Variants in CNTNAP5 observed in about 807,000 individuals in gnomAD.
The protein encoded by CNTNAP5 is contactin associated protein family member 5.
A neutral mutation model predicts 150.2 loss-of-function variants in CNTNAP5; 72 were observed. The observed-to-expected ratio is 0.48, with a 90% CI of 0.40 to 0.58. The LOEUF is 0.58. CNTNAP5 is among the 20% of genes least tolerant of loss of function. The probability of loss-of-function intolerance (pLI) is 0.00; values close to 1 mark genes in which losing one functional copy is unlikely to be tolerated. For synonymous variants in CNTNAP5, 672 were observed against 619.8 expected (o/e 1.08, Z -1.25); for missense variants, 1,636 against 1,626.2 (o/e 1.01, Z -0.10).
chr2:124,776,515 G>A (rs553615974), intron 17 of CNTNAP5, among the ~76,000 whole-genome samples: 2 of 152,308 alleles, frequency 1.3e-5, no homozygotes, highest in South Asian at 2.1e-4. Flanking sequence ...CAGGCTTGGC[G>A]TGCACATGTT....
intron 14 of CNTNAP5, among the ~76,000 whole-genome samples, chr2:124,762,431 A>C (rs1328190218): frequency 2.0e-5 from 3 of 152,152 alleles, no homozygotes; most frequent in Non-Finnish European, 2.9e-5. Flanking sequence ...AGGTGGATGC[A>C]TAAAAAGATA....
intron 1 of CNTNAP5, among the ~76,000 whole-genome samples, chr2:124,196,314 C>T (rs1299666487): frequency 6.6e-6 from 1 of 152,146 alleles, no homozygotes; most frequent in Non-Finnish European, 1.5e-5. Flanking sequence ...CTTCACTTCA[C>T]AGCTACATGA....
At chr2:124,281,940 T>G (rs1688024418) in intron 3 of CNTNAP5, among the ~76,000 whole-genome samples, 1 of 152,074 alleles carries the variant, frequency 6.6e-6, no homozygotes, top group African/African-American at 2.4e-5. Flanking sequence ...CCGGCGGCAT[T>G]TGTCTGCAGG....
intron 3 of CNTNAP5, among the ~76,000 whole-genome samples, chr2:124,348,387 C>T (rs1689792708): frequency 6.6e-6 from 1 of 152,080 alleles, no homozygotes; most frequent in East Asian, 1.9e-4. Flanking sequence ...CGAGGGCATC[C>T]TCGTTTTGTT....
At chr2:124,361,867 C>CCTA (rs1336188851) in intron 3 of CNTNAP5, among the ~76,000 whole-genome samples, 6 of 152,142 alleles carry the variant, frequency 3.9e-5, no homozygotes, top group African/African-American at 7.2e-5. Context: ...GCTTTGTTTA[C>CCTA]CTAAGCAAGC....
chr2:124,086,906 T>A (rs983094134), intron 1 of CNTNAP5, among the ~76,000 whole-genome samples: 7 of 151,812 alleles, frequency 4.6e-5, no homozygotes, highest in Non-Finnish European at 1.0e-4. Flanking sequence ...TATTGTGGAT[T>A]ACTTGAACAT....
At chr2:124,874,132 C>T (rs1558809227) in intron 21 of CNTNAP5, among the ~76,000 whole-genome samples, 2 of 152,052 alleles carry the variant, frequency 1.3e-5, no homozygotes, top group Admixed American at 1.3e-4. Flanking sequence ...ACTGTTGGTT[C>T]TCTAAGAATG....
intron 1 of CNTNAP5, among the ~76,000 whole-genome samples, chr2:124,166,919 A>G (rs1436023658): frequency 1.3e-5 from 2 of 152,260 alleles, no homozygotes; most frequent in South Asian, 2.1e-4. Flanking sequence ...CCACAGGATT[A>G]TATCTAAGGC....
At chr2:124,569,611 G>A (rs1490546111) in intron 11 of CNTNAP5, among the ~76,000 whole-genome samples, 1 of 152,174 alleles carries the variant, frequency 6.6e-6, no homozygotes, top group Non-Finnish European at 1.5e-5. Flanking sequence ...TATGTCTGAT[G>A]ACACTCACAT....
intron 11 of CNTNAP5, among the ~76,000 whole-genome samples, chr2:124,606,071 G>T (rs897130010): frequency 6.6e-6 from 1 of 151,844 alleles, no homozygotes; most frequent in African/African-American, 2.4e-5. Context: ...AGTTAAATTA[G>T]CAATTTATAT....
intron 13 of CNTNAP5, among the ~76,000 whole-genome samples, chr2:124,692,452 G>A (rs1477531607): frequency 1.3e-5 from 2 of 152,102 alleles, no homozygotes; most frequent in African/African-American, 2.4e-5. Flanking sequence ...AAAATGTATG[G>A]ACTCTGTTTT....
rs1013310366 is a variant in CNTNAP5 at position 124,362,245 on chromosome 2, T to C, written c.382-55198T>C. Among the ~76,000 whole-genome samples, 4 of 152,214 alleles carry C rather than the reference T, an allele frequency of 2.6e-5. 1 individual carries two copies. The highest frequency in any genetic ancestry group is 1.3e-4 in the Admixed American group (2 of 15,284). Reference sequence around the variant, plus strand: ...AGTGAGATGAACCCGGTACGTCACATGGAAATGCAGAAATCACCCGTCTTC... The same window carrying C: ...AGTGAGATGAACCCGGTACGTCACACGGAAATGCAGAAATCACCCGTCTTC... On this transcript the variant is annotated intron_variant, in intron 3 of 23. Coordinates refer to ENST00000682447, the MANE Select transcript of CNTNAP5 (RefSeq NM_001367498.1).
intron 3 of CNTNAP5, among the ~76,000 whole-genome samples, chr2:124,361,291 A>G (rs1413468588): frequency 6.9e-6 from 1 of 144,412 alleles, no homozygotes; most frequent in Non-Finnish European, 1.5e-5. Context: ...GATCATCTGA[A>G]GCCTCCTTCT....
rs574600633 is a variant in CNTNAP5, at chr2:124,780,663, C to CT, written c.2752+7653dup. ...CCCCTGATCTGTTCAATAAGACAGC[C>CT]TTTTTTTGGGTTGTTTGTCCAAATC... On this transcript the variant is annotated intron_variant, in intron 17 of 23. Transcript: ENST00000682447. Among the ~76,000 whole-genome samples the CT allele has an allele frequency of 1.8e-4, 27 of 152,284 alleles. No homozygotes were observed. The East Asian group carries it at 4.1e-3, about 23-fold the overall frequency.
rs727181 is a variant in CNTNAP5, at chr2:124,650,934, G to A, written c.2077+2976G>A. On this transcript the variant is annotated intron_variant, in intron 13 of 23. Coordinates refer to ENST00000682447, the MANE Select transcript of CNTNAP5 (RefSeq NM_001367498.1). Reference sequence around the variant, plus strand: ...TGAACATAACTGATTATATCCTCAGGACAAATTCCTTGAGGTGCCATTTGC... The same window carrying A: ...TGAACATAACTGATTATATCCTCAGAACAAATTCCTTGAGGTGCCATTTGC... Among the ~76,000 whole-genome samples, 713 of 152,166 alleles carry A rather than the reference G, an allele frequency of 4.7e-3. 2 individuals are homozygous for A. Among genetic ancestry groups the A allele is most frequent in the Non-Finnish European group, 6.0e-3 (407 of 68,014 alleles).
intron 13 of CNTNAP5, among the ~76,000 whole-genome samples, chr2:124,684,294 C>T (rs906525639): frequency 3.3e-5 from 5 of 152,114 alleles, no homozygotes; most frequent in African/African-American, 1.2e-4. Flanking sequence ...AATGCATGGG[C>T]TATAAGACCA....
chr2:124,693,462 TGAG>T (rs1679339800), intron 13 of CNTNAP5, among the ~76,000 whole-genome samples: 1 of 152,152 alleles, frequency 6.6e-6, no homozygotes, highest in Non-Finnish European at 1.5e-5. Context: ...CTCTTTAGTA[TGAG>T]GATTCAGAGG....
At chr2:124,551,168 CTGACGTGCAT>C (rs924301095) in intron 10 of CNTNAP5, among the ~76,000 whole-genome samples, 4 of 152,122 alleles carry the variant, frequency 2.6e-5, no homozygotes, top group African/African-American at 9.7e-5. Context: ...GCTGGGATCA[CTGACGTGCAT>C]TGCAAACTCA....
At chr2:124,242,524 T>G (rs544530089) in intron 3 of CNTNAP5, 131 bp downstream of exon 3, 1 of 884,042 alleles carries the variant, frequency 1.1e-6, no homozygotes, top group South Asian at 1.8e-5. Flanking sequence ...TAGAAATAAT[T>G]AGACAATTTT....
Sources: allele counts gnomAD v4.1 joint callset (sites outside exome capture counted in the v4.1 genomes callset), GRCh38; gene constraint gnomAD v4.1.1; transcripts MANE v1.5; gene names NCBI Gene and HGNC (gene_info 2026-07-23, HGNC 2026-07-21).